The following KLRG1 variants were observed in gnomAD, a reference collection of about 807,000 sequenced individuals.
The protein encoded by KLRG1 is killer cell lectin like receptor G1.
Under a neutral mutation model 21.8 loss-of-function variants are expected in KLRG1, and 16 were observed. The observed-to-expected ratio is 0.73, with a 90% CI of 0.50 to 1.11. The LOEUF is 1.11. Among genes scored for constraint, KLRG1 ranks in the 50% most tolerant of loss-of-function variants. The pLI, the probability that KLRG1 is intolerant of heterozygous loss-of-function variation, is 0.00. For synonymous variants in KLRG1, 69 were observed against 75.9 expected (o/e 0.91, Z 0.47); for missense variants, 173 against 218.3 (o/e 0.79, Z 1.31).
At chr12:9,182,102 G>A in the KLRG1 span, 104 of 1,515,524 alleles carry the variant, frequency 6.9e-5, no homozygotes, top group East Asian at 1.8e-3. Context: ...GAAGGATAAG[G>A]CAAAACTGCC....
At chr12:9,080,260 A>ACTAT in the KLRG1 span, 1 of 896,702 alleles carries the variant, frequency 1.1e-6, no homozygotes, top group Non-Finnish European at 1.8e-6. Context: ...AGAAGCTAGG[A>ACTAT]CTATGCCTTA....
chr12:9,174,311 A>G, the KLRG1 span, among the ~76,000 whole-genome samples: 1 of 152,206 alleles, frequency 6.6e-6, no homozygotes, highest in African/African-American at 2.4e-5. Flanking sequence ...TAAACTAGGT[A>G]TTGAAGGAAC....
chr12:9,016,548 T>G, the KLRG1 span, among the ~76,000 whole-genome samples: 2 of 152,210 alleles, frequency 1.3e-5, no homozygotes, highest in East Asian at 3.8e-4. Flanking sequence ...CAGGACCCAG[T>G]GGCTTCACTG....
At chr12:9,022,500 T>A in the KLRG1 span, among the ~76,000 whole-genome samples, 1 of 152,164 alleles carries the variant, frequency 6.6e-6, no homozygotes, top group African/African-American at 2.4e-5. Context: ...GCTTCTAAAA[T>A]CCTTGGGATC....
At chr12:9,143,488 A>T in the KLRG1 span, among the ~76,000 whole-genome samples, 56 of 152,118 alleles carry the variant, frequency 3.7e-4, 2 homozygotes, top group African/African-American at 1.3e-3. Flanking sequence ...AGGGGTTTAG[A>T]AGGAAGGAAT....
chr12:8,980,375 C>G (rs990528600), intron 1 of KLRG1, among the ~76,000 whole-genome samples: 1 of 152,072 alleles, frequency 6.6e-6, no homozygotes, highest in East Asian at 1.9e-4. Context: ...AATTCTTTGT[C>G]GGGCAATTCA....
chr12:9,179,904 G>A, the KLRG1 span, among the ~76,000 whole-genome samples: 2 of 152,174 alleles, frequency 1.3e-5, no homozygotes, highest in Non-Finnish European at 2.9e-5. Context: ...GTTGCAGGCA[G>A]ATTCAGAATT....
At chr12:9,038,274 G>C in the KLRG1 span, among the ~76,000 whole-genome samples, 4 of 152,056 alleles carry the variant, frequency 2.6e-5, no homozygotes, top group African/African-American at 9.7e-5. Flanking sequence ...TTGGCTCATG[G>C]CTAGGCAATT....
At chr12:8,997,008 G>A (rs1247589845) in intron 3 of KLRG1, among the ~76,000 whole-genome samples, 1 of 152,168 alleles carries the variant, frequency 6.6e-6, no homozygotes, top group Non-Finnish European at 1.5e-5. Flanking sequence ...GGTGAGGAGG[G>A]AAAGGATGAA....
At chr12:9,120,433 A>G in the KLRG1 span, among the ~76,000 whole-genome samples, 1 of 152,352 alleles carries the variant, frequency 6.6e-6, no homozygotes, top group South Asian at 2.1e-4. Context: ...CAGTAAGAAC[A>G]AACAAGGAAT....
At chr12:9,140,065 G>T in the KLRG1 span, among the ~76,000 whole-genome samples, 2 of 152,268 alleles carry the variant, frequency 1.3e-5, no homozygotes, top group Admixed American at 6.5e-5. Flanking sequence ...CTGGGGAGGG[G>T]TTTATTTTCG....
At chr12:9,084,729 A>C in the KLRG1 span, among the ~76,000 whole-genome samples, 1 of 152,154 alleles carries the variant, frequency 6.6e-6, no homozygotes, top group Admixed American at 6.6e-5. Context: ...AAAAGACATA[A>C]AGTGACTGAA....
chr12:9,157,471 G>A, the KLRG1 span: 4 of 961,536 alleles, frequency 4.2e-6, no homozygotes, highest in African/African-American at 3.3e-5. Context: ...TAGGCAGACA[G>A]CTAGATATTC....
the KLRG1 span, among the ~76,000 whole-genome samples, chr12:9,161,282 A>G: frequency 3.9e-5 from 6 of 152,344 alleles, no homozygotes; most frequent in South Asian, 2.1e-4. Flanking sequence ...AACACATGTA[A>G]AACATTCAGA....
At chr12:9,199,075 CT>C in the KLRG1 span, among the ~76,000 whole-genome samples, 1 of 152,152 alleles carries the variant, frequency 6.6e-6, no homozygotes, top group Non-Finnish European at 1.5e-5. Flanking sequence ...TTCATGCCCT[CT>C]GTCTACTGCT....
downstream of KLRG1, among the ~76,000 whole-genome samples, chr12:9,013,881 C>G (rs1347153484): frequency 6.6e-6 from 1 of 152,064 alleles, no homozygotes; most frequent in Non-Finnish European, 1.5e-5. Flanking sequence ...AGAATCCTAT[C>G]AGAAAAACTT....
the KLRG1 span, among the ~76,000 whole-genome samples, chr12:9,201,526 A>C: frequency 6.6e-6 from 1 of 152,204 alleles, no homozygotes; most frequent in African/African-American, 2.4e-5. Context: ...ATGAGCATAC[A>C]CAATATATTC....
the KLRG1 span, chr12:9,072,305 AAAG>A: frequency 6.3e-7 from 1 of 1,594,140 alleles, no homozygotes; most frequent in Non-Finnish European, 8.5e-7. Context: ...GGAGTTCCCG[AAAG>A]AAGACTGGTG....
the KLRG1 span, among the ~76,000 whole-genome samples, chr12:9,138,078 G>A: frequency 6.6e-6 from 1 of 151,990 alleles, no homozygotes; most frequent in East Asian, 1.9e-4. Flanking sequence ...GCAAGAGTGG[G>A]CATCATTGCC....
Sources: gnomAD v4.1 joint callset for allele counts (sites outside exome capture counted in the v4.1 genomes callset) on GRCh38, gnomAD v4.1.1 for gene constraint, MANE v1.5 for transcripts, NCBI Gene and HGNC (gene_info 2026-07-23, HGNC 2026-07-21) for gene names.